IL12RB2: variants seen among roughly 807,000 people sequenced by gnomAD.
IL12RB2 encodes the protein interleukin-12 receptor subunit beta-2.
Under a neutral mutation model 89.4 loss-of-function variants are expected in IL12RB2, and 82 were observed. The observed-to-expected ratio is 0.92, with a 90% CI of 0.77 to 1.10. The LOEUF is 1.10. Among genes scored for constraint, IL12RB2 ranks in the 50% least tolerant of loss-of-function variants. The probability of loss-of-function intolerance (pLI) is 0.00; values close to 1 mark genes in which losing one functional copy is unlikely to be tolerated. For synonymous variants in IL12RB2, 368 were observed against 370.1 expected (o/e 0.99, Z 0.07); for missense variants, 963 against 1,031.9 (o/e 0.93, Z 0.92).
intron 8 of IL12RB2, among the ~76,000 whole-genome samples, chr1:67,333,949 C>G (rs1170968504): frequency 6.6e-6 from 1 of 152,206 alleles, no homozygotes; most frequent in Non-Finnish European, 1.5e-5. Context: ...GTCTTATTTG[C>G]AGTTTGTGAT....
intron 13 of IL12RB2, among the ~76,000 whole-genome samples, chr1:67,379,509 C>CAAAAAAAAAAAA (rs58494224): frequency 2.9e-5 from 2 of 68,514 alleles, no homozygotes; most frequent in Non-Finnish European, 5.2e-5. Flanking sequence ...GAACCTGTCT[C>CAAAAAAAAAAAA]AAAAAAAAAA....
At position 67,395,875 on chromosome 1, in the gene IL12RB2, G is replaced by A. The variant is rs1666323871; in HGVS notation, c.2375G>A (p.Gly792Asp). The change falls in exon 17 of 17, where the codon GGT becomes GAT. Residue 792 changes from glycine to aspartate, a missense_variant. Physicochemically the swap from Gly to Asp is moderately conservative, Grantham distance 94. Transcript: ENST00000674203. Reference protein sequence around the residue: ...PACPWTVLPAGDLPTHDGYLP... With the variant: ...PACPWTVLPADDLPTHDGYLP... ...TGTCCCTGGACGGTGCTCCCAGCAG[G>A]TGACCTTCCCACCCATGATGGCTAC... is the stretch of plus-strand genomic sequence containing the variant. The A allele has an allele frequency of 1.2e-6, 2 of 1,608,890 alleles. 1 individual carries two copies. Among genetic ancestry groups the A allele is most frequent in the South Asian group, 2.2e-5 (2 of 90,842 alleles).
At chr1:67,388,538 G>A (rs1203979617) in intron 15 of IL12RB2, among the ~76,000 whole-genome samples, 1 of 152,064 alleles carries the variant, frequency 6.6e-6, no homozygotes, top group Non-Finnish European at 1.5e-5. Context: ...TAGAGATGGG[G>A]TTTCACCATG....
At chr1:67,329,922 A>G (rs911553075) in intron 7 of IL12RB2, among the ~76,000 whole-genome samples, 193 bp downstream of exon 7, 10 of 152,160 alleles carry the variant, frequency 6.6e-5, no homozygotes, top group African/African-American at 2.4e-4. Context: ...TCTGATTCTG[A>G]AATTTTTAAA....
chr1:67,337,912 A>AG (rs1658991144), intron 8 of IL12RB2, among the ~76,000 whole-genome samples: 1 of 128,786 alleles, frequency 7.8e-6, no homozygotes, highest in Admixed American at 8.3e-5. Flanking sequence ...AAAAAAAAAA[A>AG]AAAAAGAAAA....
intron 2 of IL12RB2, 85 bp from the exon 3 acceptor site, chr1:67,320,248 C>T (rs546890689): frequency 6.7e-5 from 105 of 1,578,840 alleles, no homozygotes; most frequent in Admixed American, 5.4e-4. Flanking sequence ...AAAAATAAAG[C>T]GGCACTTGAA....
chr1:67,381,499 C>T (rs1166818253), intron 14 of IL12RB2, among the ~76,000 whole-genome samples: 3 of 152,126 alleles, frequency 2.0e-5, no homozygotes, highest in African/African-American at 4.8e-5. Flanking sequence ...CACGGTAGCT[C>T]GTGCCTGTAA....
At chr1:67,389,787 A>C (rs1394997466) in intron 15 of IL12RB2, among the ~76,000 whole-genome samples, 1 of 152,234 alleles carries the variant, frequency 6.6e-6, no homozygotes, top group Non-Finnish European at 1.5e-5. Flanking sequence ...CTAGTGATAG[A>C]TTGCTAAATA....
At chr1:67,325,059 A>C (rs1296821724) in intron 4 of IL12RB2, among the ~76,000 whole-genome samples, 3 of 152,386 alleles carry the variant, frequency 2.0e-5, no homozygotes, top group Non-Finnish European at 4.4e-5. Context: ...TCTGAGCCTC[A>C]GCTTCTTCAT....
rs576452086 is a variant in IL12RB2 at position 67,397,495 on chromosome 1, C to T, written c.*1406C>T. On this transcript the variant is annotated 3_prime_UTR_variant, in exon 17 of 17. Transcript: ENST00000674203. ...TTTCATTCCCGGAGAAGATATTGAG[C>T]TGGTCCTCTGCCAGCTCAAGTTGAG... Among the ~76,000 whole-genome samples, 4 of 152,304 alleles carry T rather than the reference C, an allele frequency of 2.6e-5. No individual in the cohort carries two copies. The East Asian group carries it at 7.7e-4, about 29-fold the overall frequency.
Position 67,397,731 on chromosome 1 carries a change from T to C in IL12RB2, c.*1642T>C, listed in dbSNP as rs550091815. Among the ~76,000 whole-genome samples, 6 of 152,352 alleles carry C rather than the reference T, an allele frequency of 3.9e-5. No individual in the cohort carries two copies. The East Asian group carries it at 7.7e-4, about 20-fold the overall frequency. ...AAAGAACAGGATAAAAGATCCAAAA[T>C]ACTTTTTCTTAAATTCCTGTCAAGC... On this transcript the variant is annotated 3_prime_UTR_variant, in exon 17 of 17. Transcript: ENST00000674203.
chr1:67,395,912 C>A lies in IL12RB2; in HGVS notation c.2412C>A (p.Asn804Lys). Residue 804 changes from asparagine to lysine, a missense_variant, in exon 17 of 17, where the codon AAC becomes AAA. By Grantham distance (94) the Asn-to-Lys change is moderately conservative (BLOSUM62 0). Transcript: ENST00000674203. The part of the protein sequence containing the change: ...LPTHDGYLPS[N>K]IDDLPSHEAP... ...CCCATGATGGCTACTTACCCTCCAA[C>A]ATAGATGACCTCCCCTCACATGAGG... 1 of 1,611,010 alleles carries A rather than the reference C, an allele frequency of 6.2e-7. No homozygotes were observed. Among genetic ancestry groups the A allele is most frequent in the Non-Finnish European group, 8.5e-7 (1 of 1,177,170 alleles).
chr1:67,386,515 A>G (rs957881424), intron 14 of IL12RB2, 64 bp from the exon 15 acceptor site: 2 of 1,137,452 alleles, frequency 1.8e-6, no homozygotes, highest in Admixed American at 3.4e-5. Context: ...GCATACACCA[A>G]TCAGGATTTT....
chr1:67,320,228 C>T, intron 2 of IL12RB2, 105 bp from the exon 3 acceptor site: 6 of 1,538,782 alleles, frequency 3.9e-6, no homozygotes, highest in Non-Finnish European at 3.5e-6. Flanking sequence ...AAGATCTCAA[C>T]AAGGTGGAGA....
intron 16 of IL12RB2, among the ~76,000 whole-genome samples, chr1:67,391,692 A>G (rs1665848896): frequency 2.0e-5 from 3 of 151,018 alleles, no homozygotes; most frequent in Admixed American, 2.0e-4. Context: ...GCTGGAGTGC[A>G]GTGGCGCAAT....
rs766661899 is a variant in IL12RB2, at chr1:67,321,719, G to A, written c.194G>A (p.Arg65His). Reference sequence around the variant, plus strand: ...CAAGGCTGCTTTCACTATTCCAGACGTAACAAGTTAATCCTGTACAAGTTT... The same window carrying A: ...CAAGGCTGCTTTCACTATTCCAGACATAACAAGTTAATCCTGTACAAGTTT... ...PRQGCFHYSR[R>H]NKLILYKFDR... Residue 65 changes from arginine to histidine, a missense_variant, in exon 4 of 17, where the codon CGT becomes CAT. By Grantham distance (29) the Arg-to-His change is conservative. Coordinates refer to ENST00000674203, the MANE Select transcript of IL12RB2 (RefSeq NM_001374259.2). 2.0e-5 allele frequency: 33 copies of A among 1,611,230 alleles called. 1 individual carries two copies. In the East Asian group the frequency reaches 4.5e-4, roughly 22 times the overall value.
At chr1:67,362,572 C>CAAAAAAAAAAAAAAAA (rs956277979) in intron 10 of IL12RB2, among the ~76,000 whole-genome samples, 19 of 42,774 alleles carry the variant, frequency 4.4e-4, no homozygotes, top group South Asian at 8.8e-4. Flanking sequence ...GACTCCGTCT[C>CAAAAAAAAAAAAAAAA]AAAAAAAAAA....
At chr1:67,318,580 G>A (rs1348505104) in intron 2 of IL12RB2, among the ~76,000 whole-genome samples, 2 of 152,126 alleles carry the variant, frequency 1.3e-5, no homozygotes, top group Non-Finnish European at 2.9e-5. Context: ...AGCTGTAGGA[G>A]ATGAGAAAAA....
At chr1:67,394,376 G>A (rs1666144147) in intron 16 of IL12RB2, among the ~76,000 whole-genome samples, 1 of 152,130 alleles carries the variant, frequency 6.6e-6, no homozygotes, top group Non-Finnish European at 1.5e-5. Flanking sequence ...TGTTAATAAA[G>A]TGCCAAGGAC....
Sources: gnomAD v4.1 joint callset for allele counts (sites outside exome capture counted in the v4.1 genomes callset) on GRCh38, gnomAD v4.1.1 for gene constraint, MANE v1.5 for transcripts, NCBI Gene and HGNC (gene_info 2026-07-23, HGNC 2026-07-21) for gene names.